The following FAM149A variants were observed in gnomAD, a reference collection of about 807,000 sequenced individuals.
The protein encoded by FAM149A is protein FAM149A.
FAM149A carries 71 observed loss-of-function variants against 78.2 expected under a neutral mutation model. That is an observed-to-expected ratio of 0.91 (90% confidence interval 0.75 to 1.11). The LOEUF (loss-of-function observed/expected upper bound fraction) is 1.11. Ranked by LOEUF, FAM149A falls within the 50% of genes least tolerant of loss-of-function variation. FAM149A has a pLI of 0.00. For synonymous variants in FAM149A, 446 were observed against 410.5 expected (o/e 1.09, Z -1.04); for missense variants, 1,036 against 971.0 (o/e 1.07, Z -0.89).
Position 186,174,198 on chromosome 4 carries a change from T to C in FAM149A, c.*2211T>C. ...TATCACCCAGGTATTAAGCCTAGTA[T>C]CCATTAGTTATTTTTCCTGATCCTC... On this transcript the variant is annotated 3_prime_UTR_variant, in exon 14 of 14. Transcript: ENST00000389354. 9.1e-6 allele frequency among the ~76,000 whole-genome samples: 1 copy of C among 109,348 alleles called. No homozygotes were observed. The allele number at this position is 109,348 out of a possible 152,430, so 71.7% of individuals were successfully genotyped here.
intron 7 of FAM149A, among the ~76,000 whole-genome samples, chr4:186,156,538 G>A (rs1423578602): frequency 6.6e-6 from 1 of 152,156 alleles, no homozygotes; most frequent in African/African-American, 2.4e-5. Context: ...GCCGGGCGTG[G>A]TGGTATGTGC....
intron 1 of FAM149A, chr4:186,127,209 A>G: frequency 1.0e-6 from 1 of 971,416 alleles, no homozygotes; most frequent in Non-Finnish European, 1.2e-6. Context: ...GGAGTTTGAA[A>G]TCAGCCAAGG....
intron 1 of FAM149A, among the ~76,000 whole-genome samples, chr4:186,136,936 A>ATCTCTCTCTCTCTCTCTCTCTCTTTCTC (rs2099323019): frequency 2.3e-5 from 2 of 88,168 alleles, no homozygotes; most frequent in Non-Finnish European, 2.3e-5. Flanking sequence ...ACACTGATTG[A>ATCTCTCTCTCTCTCTCTCTCTCTTTCTC]TCTCTCTCTC....
intron 1 of FAM149A, among the ~76,000 whole-genome samples, chr4:186,139,272 G>A (rs1160968585): frequency 1.3e-5 from 2 of 152,010 alleles, no homozygotes; most frequent in South Asian, 2.1e-4. Flanking sequence ...CCCCCAAATC[G>A]GCCACTCCTC....
intron 1 of FAM149A, among the ~76,000 whole-genome samples, chr4:186,130,534 A>G (rs910152935): frequency 1.4e-5 from 2 of 145,328 alleles, no homozygotes; most frequent in African/African-American, 5.1e-5. Flanking sequence ...TTTTTTTTGT[A>G]TTTCTGTAGA....
At chr4:186,147,735 T>C (rs561301206) in intron 1 of FAM149A, among the ~76,000 whole-genome samples, 1 of 152,316 alleles carries the variant, frequency 6.6e-6, no homozygotes, top group East Asian at 1.9e-4. Context: ...TATTTGTATG[T>C]TTACCTAAAA....
chr4:186,169,150 A>G, intron 13 of FAM149A: 1 of 977,080 alleles, frequency 1.0e-6, no homozygotes, highest in Non-Finnish European at 1.2e-6. Context: ...TCTAAATCTC[A>G]CTGTTAATCA....
chr4:186,115,128 G>T (rs373166711), intron 1 of FAM149A, among the ~76,000 whole-genome samples: 4 of 54,060 alleles, frequency 7.4e-5, no homozygotes, highest in African/African-American at 2.0e-4. Context: ...TTCCCTTCTC[G>T]CTTCATTTCA....
chr4:186,142,306 A>G (rs1265007353), intron 1 of FAM149A, among the ~76,000 whole-genome samples: 1 of 152,098 alleles, frequency 6.6e-6, no homozygotes, highest in Non-Finnish European at 1.5e-5. Context: ...TTGTCTCTCT[A>G]GTTCGCAGGT....
intron 1 of FAM149A, among the ~76,000 whole-genome samples, chr4:186,106,575 T>G (rs2099308838): frequency 6.6e-6 from 1 of 152,136 alleles, no homozygotes; most frequent in Non-Finnish European, 1.5e-5. Context: ...CTGAGTAATT[T>G]TTGCATTCAT....
intron 1 of FAM149A, chr4:186,117,771 A>T (rs1024788465): frequency 2.5e-6 from 2 of 792,808 alleles, no homozygotes; most frequent in African/African-American, 3.7e-5. Flanking sequence ...GGTTGAGCTA[A>T]TGTGCAGGGA....
At chr4:186,111,171 T>C (rs1284943865) in intron 1 of FAM149A, among the ~76,000 whole-genome samples, 3 of 148,900 alleles carry the variant, frequency 2.0e-5, no homozygotes, top group Non-Finnish European at 4.5e-5. Flanking sequence ...TTTCATGTGT[T>C]TTTTGGCTGC....
chr4:186,149,360 C>T lies in FAM149A; in HGVS notation c.677+77C>T, dbSNP rs1561403552. 1.4e-5 allele frequency: 17 copies of T among 1,219,470 alleles called. 1 individual carries two copies. In the South Asian group the frequency reaches 2.4e-4, roughly 17 times the overall value. 75.5% of individuals were successfully genotyped at this position (1,219,470 alleles called of 1,614,324 possible). On this transcript the variant is annotated intron_variant, in intron 2 of 13. Transcript: ENST00000389354. Reference sequence around the variant, plus strand: ...ATGTGGGAAGGAAGTTAGTGACTGGCCATGAATTTCTAAAAGTAAGATGCA... The same window carrying T: ...ATGTGGGAAGGAAGTTAGTGACTGGTCATGAATTTCTAAAAGTAAGATGCA...
chr4:186,118,203 C>T (rs1025430924), intron 1 of FAM149A: 118 of 985,304 alleles, frequency 1.2e-4, no homozygotes, highest in Non-Finnish European at 1.3e-4. Flanking sequence ...TCACACACCA[C>T]GCAAGATGGG....
chr4:186,110,076 G>A lies in FAM149A; in HGVS notation c.566+4434G>A, dbSNP rs145743038. 3.1e-4 allele frequency: 309 copies of A among 985,360 alleles called. 1 individual carries two copies. The African/African-American group carries it at 4.8e-3, about 15-fold the overall frequency. The allele number at this position is 985,360 out of a possible 1,614,324, so 61.0% of individuals were successfully genotyped here. A position where few individuals can be genotyped will look rare whatever the true frequency, so the allele number is the denominator to read the frequency against. ...CCTGTGATTTATATTCACATCTTAT[G>A]TCCATTATCAGACTATAAACTCTTT... On this transcript the variant is annotated intron_variant, in intron 1 of 13. Coordinates refer to ENST00000389354, the MANE Select transcript of FAM149A (RefSeq NM_001367768.3).
At chr4:186,119,847 A>G (rs2099315223) in intron 1 of FAM149A, among the ~76,000 whole-genome samples, 1 of 152,214 alleles carries the variant, frequency 6.6e-6, no homozygotes, top group Non-Finnish European at 1.5e-5. Flanking sequence ...CCCTGTAGAG[A>G]TGCAGGACTC....
In FAM149A at chr4:186,143,569, CAG is replaced by C. The variant is rs1200587519; in HGVS notation, c.567-5601_567-5600del. 3.3e-5 allele frequency among the ~76,000 whole-genome samples: 5 copies of C among 152,136 alleles called. No homozygotes were observed. In the South Asian group the frequency reaches 8.3e-4, roughly 25 times the overall value. On this transcript the variant is annotated intron_variant, in intron 1 of 13. Transcript: ENST00000389354. ...TTTGTTTGTGTTTGTTTTTTTGAGA[CAG>C]AGTCTCCCTCTGTCGCCCAGCCTGG... is the stretch of plus-strand genomic sequence containing the variant.
chr4:186,154,742 A>G (rs560223926), intron 6 of FAM149A, 104 bp downstream of exon 6: 3 of 1,445,118 alleles, frequency 2.1e-6, no homozygotes, highest in Non-Finnish European at 2.7e-6. Flanking sequence ...TTTTTTACTC[A>G]CCCAAAAGAT....
Position 186,105,614 on chromosome 4 carries a change from T to G in FAM149A, c.538T>G (p.Ser180Ala). Reference sequence around the variant, plus strand: ...GCCTGACATCGGCGAGGAGGGGGCCTCGGACGGCGACTCCGGGGATGGCGA... The same window carrying G: ...GCCTGACATCGGCGAGGAGGGGGCCGCGGACGGCGACTCCGGGGATGGCGA... Residue 180 changes from serine to alanine, a missense_variant, in exon 1 of 14, where the codon TCG (serine) becomes GCG (alanine). By Grantham distance (99) the Ser-to-Ala change is moderately conservative. Transcript: ENST00000389354. The G allele has an allele frequency of 9.5e-7, 1 of 1,053,962 alleles. No individual in the cohort carries two copies. The highest frequency in any genetic ancestry group is 1.2e-6 in the Non-Finnish European group (1 of 868,162). The allele number at this position is 1,053,962 out of a possible 1,614,324, so 65.3% of individuals were successfully genotyped here. A position where few individuals can be genotyped will look rare whatever the true frequency, so the allele number is the denominator to read the frequency against.
Sources: allele counts gnomAD v4.1 joint callset (sites outside exome capture counted in the v4.1 genomes callset), GRCh38; gene constraint gnomAD v4.1.1; transcripts MANE v1.5; gene names NCBI Gene and HGNC (gene_info 2026-07-23, HGNC 2026-07-21).